The following ICA1 variants were observed in gnomAD, a reference collection of about 807,000 sequenced individuals.
ICA1 encodes the protein 69 kDa islet cell autoantigen.
Under a neutral mutation model 71.0 loss-of-function variants are expected in ICA1, and 40 were observed. The ratio of observed to expected loss-of-function variants is 0.56; its 90% confidence interval spans 0.44 to 0.73. The LOEUF is 0.73. ICA1 is among the 30% of genes least tolerant of loss of function. ICA1 has a pLI of 0.00. For missense variants in ICA1, 578 were observed against 576.5 expected (o/e 1.00, Z -0.03); for synonymous variants, 207 against 209.5 (o/e 0.99, Z 0.10).
At chr7:8,189,665 C>T (rs1236638990) in intron 6 of ICA1, among the ~76,000 whole-genome samples, 3 of 152,138 alleles carry the variant, frequency 2.0e-5, no homozygotes, top group African/African-American at 7.2e-5. Flanking sequence ...AGCTCTGAGG[C>T]CTCACTGAAC....
chr7:8,138,720 A>G (rs1794205700), intron 12 of ICA1, 120 bp downstream of exon 12: 3 of 830,938 alleles, frequency 3.6e-6, no homozygotes, highest in Non-Finnish European at 3.9e-6. Context: ...CTGTCACCCA[A>G]AAAACTTTCC....
intron 6 of ICA1, among the ~76,000 whole-genome samples, chr7:8,198,959 A>T (rs959241951): frequency 1.3e-5 from 2 of 152,270 alleles, no homozygotes; most frequent in African/African-American, 4.8e-5. Flanking sequence ...ACATTTCTCA[A>T]GACACAGAAA....
intron 8 of ICA1, among the ~76,000 whole-genome samples, chr7:8,156,256 T>G (rs772962166): frequency 3.3e-5 from 5 of 152,192 alleles, no homozygotes; most frequent in Non-Finnish European, 7.4e-5. Context: ...GCAAAAGAAA[T>G]GCATTTGAAT....
chr7:8,161,148 A>T (rs944315937), intron 6 of ICA1, among the ~76,000 whole-genome samples: 1 of 152,232 alleles, frequency 6.6e-6, no homozygotes, highest in Non-Finnish European at 1.5e-5. Flanking sequence ...GTCAGGACCA[A>T]CGCTAGGAAC....
At chr7:8,194,494 T>C (rs1366208813) in intron 6 of ICA1, among the ~76,000 whole-genome samples, 1 of 152,248 alleles carries the variant, frequency 6.6e-6, no homozygotes, top group South Asian at 2.1e-4. Context: ...CTTACCATTT[T>C]AGCTTAATTA....
In ICA1 at chr7:8,235,856, A is replaced by G. The variant is rs532051771; in HGVS notation, c.17+54T>C. On this transcript the variant is annotated intron_variant, in intron 2 of 13. Coordinates refer to ENST00000402384, the MANE Select transcript of ICA1 (RefSeq NM_001136020.3). ...TCCATTCAATAGATGTTTATTGATC[A>G]TATGCTATATGCTTTCTACTTTCCC... 101 of 1,553,186 alleles carry G rather than the reference A, an allele frequency of 6.5e-5. No homozygotes were observed. The Admixed American group carries it at 7.7e-4, about 12-fold the overall frequency.
chr7:8,237,059 C>T (rs1199143935), intron 1 of ICA1, among the ~76,000 whole-genome samples: 2 of 152,226 alleles, frequency 1.3e-5, no homozygotes, highest in African/African-American at 2.4e-5. Context: ...GCAAATCCCA[C>T]GCTTCAGGTA....
At chr7:8,114,265 C>T (rs1784072909) in intron 13 of ICA1, 2 of 549,578 alleles carry the variant, frequency 3.6e-6, no homozygotes, top group Admixed American at 6.2e-5. Flanking sequence ...ATAACAAGCT[C>T]TTGTGTTAAC....
chr7:8,196,579 TGAGG>T (rs1256923909), intron 6 of ICA1, among the ~76,000 whole-genome samples: 2 of 152,082 alleles, frequency 1.3e-5, no homozygotes, highest in Non-Finnish European at 2.9e-5. Context: ...ATGCTGATGG[TGAGG>T]GAGGCTGTGT....
intron 13 of ICA1, among the ~76,000 whole-genome samples, chr7:8,117,339 G>C (rs189713146): frequency 6.6e-6 from 1 of 152,162 alleles, no homozygotes; most frequent in East Asian, 1.9e-4. Context: ...CTTGTGCCCT[G>C]CCTGCCCCAG....
At chr7:8,150,613 C>A (rs566299296) in intron 8 of ICA1, among the ~76,000 whole-genome samples, 2 of 152,192 alleles carry the variant, frequency 1.3e-5, no homozygotes, top group African/African-American at 4.8e-5. Flanking sequence ...TATTAAATAC[C>A]CCAGCCAGCA....
chr7:8,122,440 C>G lies in ICA1; in HGVS notation c.1330+5433G>C, dbSNP rs1240015740. Among the ~76,000 whole-genome samples the G allele has an allele frequency of 2.0e-5, 3 of 152,346 alleles. No individual in the cohort carries two copies. In the East Asian group the frequency reaches 5.8e-4, roughly 29 times the overall value. On this transcript the variant is annotated intron_variant, in intron 13 of 13. Coordinates refer to ENST00000402384, the MANE Select transcript of ICA1 (RefSeq NM_001136020.3). Reference sequence around the variant, plus strand: ...TCTATAAAACAGGTGTAGAGTAGATCAAAGTTCCTTCTGGGGACTAAATTC... The same window carrying G: ...TCTATAAAACAGGTGTAGAGTAGATGAAAGTTCCTTCTGGGGACTAAATTC...
At chr7:8,242,988 C>A (rs1583707981) in intron 1 of ICA1, among the ~76,000 whole-genome samples, 1 of 152,150 alleles carries the variant, frequency 6.6e-6, no homozygotes, top group Non-Finnish European at 1.5e-5. Flanking sequence ...ACCAGAGGTA[C>A]AAAGAGGAGC....
intron 6 of ICA1, among the ~76,000 whole-genome samples, chr7:8,183,277 G>A (rs768878199): frequency 1.3e-5 from 2 of 152,286 alleles, no homozygotes; most frequent in Non-Finnish European, 2.9e-5. Flanking sequence ...TATCTTAACA[G>A]TTAAAGATCA....
chr7:8,193,268 T>C (rs1320930810), intron 6 of ICA1, among the ~76,000 whole-genome samples: 2 of 152,250 alleles, frequency 1.3e-5, no homozygotes, highest in East Asian at 3.8e-4. Context: ...CATGTATGTA[T>C]GCATGCATGT....
chr7:8,206,701 T>G (rs1304397659), intron 6 of ICA1, among the ~76,000 whole-genome samples: 1 of 144,620 alleles, frequency 6.9e-6, no homozygotes, highest in Admixed American at 6.9e-5. Flanking sequence ...GTTGCCAGCT[T>G]CTCCTGGATC....
At chr7:8,218,020 C>T (rs1795919060) in intron 6 of ICA1, among the ~76,000 whole-genome samples, 1 of 152,178 alleles carries the variant, frequency 6.6e-6, no homozygotes, top group Non-Finnish European at 1.5e-5. Flanking sequence ...CATGAAAAGG[C>T]ATTTAAATGT....
At chr7:8,197,199 A>G (rs1480317519) in intron 6 of ICA1, among the ~76,000 whole-genome samples, 1 of 152,064 alleles carries the variant, frequency 6.6e-6, no homozygotes, top group African/African-American at 2.4e-5. Context: ...AAAGATGAGA[A>G]AAGATAATAA....
At chr7:8,204,679 G>T (rs1427174418) in intron 6 of ICA1, among the ~76,000 whole-genome samples, 2 of 152,060 alleles carry the variant, frequency 1.3e-5, no homozygotes, top group African/African-American at 2.4e-5. Flanking sequence ...CTAAGAAAAA[G>T]ATATTTTTAA....
Sources: gnomAD v4.1 joint callset for allele counts (sites outside exome capture counted in the v4.1 genomes callset) on GRCh38, gnomAD v4.1.1 for gene constraint, MANE v1.5 for transcripts, NCBI Gene and HGNC (gene_info 2026-07-23, HGNC 2026-07-21) for gene names.